UBAC2: variants seen among roughly 807,000 people sequenced by gnomAD.
The protein encoded by UBAC2 is UBA domain containing 2, also known as ubiquitin-associated domain-containing protein 2.
A neutral mutation model predicts 44.0 loss-of-function variants in UBAC2; 26 were observed. The ratio of observed to expected loss-of-function variants is 0.59; its 90% CI spans 0.43 to 0.82. The LOEUF (loss-of-function observed/expected upper bound fraction) is 0.82. Among genes scored for constraint, UBAC2 ranks in the 40% least tolerant of loss-of-function variants. The pLI, the probability that UBAC2 is intolerant of heterozygous loss-of-function variation, is 0.00. For synonymous variants in UBAC2, 155 were observed against 154.3 expected (o/e 1.00, Z -0.04); for missense variants, 329 against 419.4 (o/e 0.78, Z 1.88).
At chr13:99,351,536 A>T (rs2138857696) in intron 7 of UBAC2, 1 of 456,750 alleles carries the variant, frequency 2.2e-6, no homozygotes, top group South Asian at 1.5e-5. Context: ...GCAGCTTTCA[A>T]AGTAACCTTT....
At chr13:99,332,584 G>A (rs894150156) in intron 6 of UBAC2, among the ~76,000 whole-genome samples, 1 of 152,190 alleles carries the variant, frequency 6.6e-6, no homozygotes, top group Admixed American at 6.5e-5. Context: ...CGTGGGCCAG[G>A]GGTTCTCTGG....
intron 1 of UBAC2, 37 bp downstream of exon 1, chr13:99,200,976 C>T (rs1655560851): frequency 2.3e-6 from 3 of 1,297,602 alleles, no homozygotes; most frequent in Admixed American, 3.4e-5. Flanking sequence ...CTGCCCCCTA[C>T]ACGCCACCCT....
chr13:99,250,540 T>C (rs980578979), intron 4 of UBAC2, among the ~76,000 whole-genome samples: 5 of 152,180 alleles, frequency 3.3e-5, no homozygotes, highest in African/African-American at 1.2e-4. Context: ...TAGGATTGCT[T>C]TGGCTATTTG....
rs185951824 is a variant in UBAC2, at chr13:99,278,612, A to G, written c.389+33988A>G. 4.2e-3 allele frequency among the ~76,000 whole-genome samples: 643 copies of G among 152,326 alleles called. 6 individuals carry two copies. The highest frequency in any genetic ancestry group is 0.015 in the African/African-American group (608 of 41,562). On this transcript the variant is annotated intron_variant, in intron 4 of 8. Coordinates refer to ENST00000403766, the MANE Select transcript of UBAC2 (RefSeq NM_001144072.2). ...AAGTGAAAAAAAGTGATATTTCTCA[A>G]CCTAAAAATAGGACTACCTGGATCT...
intron 6 of UBAC2, among the ~76,000 whole-genome samples, chr13:99,332,426 A>AT (rs2138810748): frequency 6.6e-6 from 1 of 152,344 alleles, no homozygotes; most frequent in Non-Finnish European, 1.5e-5. Context: ...ATTGACGTCC[A>AT]TGTTTATTAG....
chr13:99,240,309 T>A (rs1361916049), intron 2 of UBAC2, among the ~76,000 whole-genome samples: 1 of 152,208 alleles, frequency 6.6e-6, no homozygotes, highest in East Asian at 1.9e-4. Flanking sequence ...CTCTCATAGT[T>A]TTGTGTCCTT....
chr13:99,200,965 G>A lies in UBAC2; in HGVS notation c.31+26G>A, dbSNP rs755324448. On this transcript the variant is annotated intron_variant, in intron 1 of 8. Coordinates refer to ENST00000403766, the MANE Select transcript of UBAC2 (RefSeq NM_001144072.2). ...GTGAGTACCGGCCTCCGCCATCCTG[G>A]CTGCCCCCTACACGCCACCCTAGGC... The A allele has an allele frequency of 4.6e-6, 6 of 1,303,822 alleles. No individual in the cohort carries two copies. In the African/African-American group the frequency reaches 6.1e-5, roughly 13 times the overall value. 80.8% of individuals were successfully genotyped at this position (1,303,822 alleles called of 1,614,324 possible). A position where few individuals can be genotyped will look rare whatever the true frequency, so the allele number is the denominator to read the frequency against.
chr13:99,230,942 A>T (rs1594023395), intron 1 of UBAC2, among the ~76,000 whole-genome samples: 2 of 149,716 alleles, frequency 1.3e-5, no homozygotes, highest in Non-Finnish European at 3.0e-5. Context: ...CCAGCTACTC[A>T]GGGGGCTGAG....
At chr13:99,261,377 G>A (rs1226053561) in intron 4 of UBAC2, among the ~76,000 whole-genome samples, 1 of 152,170 alleles carries the variant, frequency 6.6e-6, no homozygotes, top group East Asian at 1.9e-4. Flanking sequence ...GTGGGTGTAG[G>A]GGAGATATGT....
intron 7 of UBAC2, among the ~76,000 whole-genome samples, chr13:99,352,209 A>G (rs1386935427): frequency 6.6e-6 from 1 of 152,194 alleles, no homozygotes; most frequent in Non-Finnish European, 1.5e-5. Flanking sequence ...TGGAATTCAC[A>G]TACCATATAA....
At chr13:99,246,088 C>CAA (rs1479506733) in intron 4 of UBAC2, among the ~76,000 whole-genome samples, 1 of 152,142 alleles carries the variant, frequency 6.6e-6, no homozygotes, top group Admixed American at 6.5e-5. Context: ...TATCTTGATT[C>CAA]AAATTCACTT....
intron 7 of UBAC2, among the ~76,000 whole-genome samples, chr13:99,360,267 A>G (rs1392259166): frequency 6.6e-6 from 1 of 152,244 alleles, no homozygotes; most frequent in Non-Finnish European, 1.5e-5. Flanking sequence ...TGTATAAAGT[A>G]TAAGGCCAAG....
chr13:99,349,915 T>G (rs9517696), intron 7 of UBAC2, among the ~76,000 whole-genome samples: 3 of 151,990 alleles, frequency 2.0e-5, no homozygotes, highest in South Asian at 2.1e-4. Context: ...ACTCCTCCAA[T>G]GAAAGGAGAC....
At chr13:99,243,564 A>G (rs2043346214) in intron 2 of UBAC2, among the ~76,000 whole-genome samples, 1 of 152,148 alleles carries the variant, frequency 6.6e-6, no homozygotes, top group African/African-American at 2.4e-5. Flanking sequence ...GAAATTTCTT[A>G]TAGGCAGTTT....
At chr13:99,250,461 AGCCTTATAATCT>A (rs1180236711) in intron 4 of UBAC2, among the ~76,000 whole-genome samples, 1 of 152,110 alleles carries the variant, frequency 6.6e-6, no homozygotes, top group Non-Finnish European at 1.5e-5. Context: ...TGCTTACTGT[AGCCTTATAATCT>A]GAAGTCAGGT....
At chr13:99,207,581 C>T (rs548153371) in intron 1 of UBAC2, among the ~76,000 whole-genome samples, 8 of 152,272 alleles carry the variant, frequency 5.3e-5, no homozygotes, top group South Asian at 4.1e-4. Context: ...GCTTCCGTCC[C>T]GCTATACCAT....
intron 6 of UBAC2, among the ~76,000 whole-genome samples, chr13:99,330,240 C>G (rs552975274): frequency 6.6e-6 from 1 of 151,998 alleles, no homozygotes; most frequent in Admixed American, 6.6e-5. Flanking sequence ...GTGGGCTGAT[C>G]ATGAGGTCAG....
At chr13:99,218,914 T>C (rs1460270902) in intron 1 of UBAC2, among the ~76,000 whole-genome samples, 1 of 152,174 alleles carries the variant, frequency 6.6e-6, no homozygotes, top group African/African-American at 2.4e-5. Flanking sequence ...TAAATCATAG[T>C]GGAAGTGCAA....
intron 1 of UBAC2, among the ~76,000 whole-genome samples, chr13:99,225,145 TGTG>T (rs1053298906): frequency 5.3e-5 from 8 of 152,224 alleles, no homozygotes; most frequent in African/African-American, 1.2e-4. Flanking sequence ...AATTTTTAAT[TGTG>T]GTAAAATGTA....
Sources: gnomAD v4.1 joint callset for allele counts (sites outside exome capture counted in the v4.1 genomes callset) on GRCh38, gnomAD v4.1.1 for gene constraint, MANE v1.5 for transcripts, NCBI Gene and HGNC (gene_info 2026-07-23, HGNC 2026-07-21) for gene names.